The following TRPS1 variants were observed in gnomAD, a reference collection of about 807,000 sequenced individuals.
The protein encoded by TRPS1 is transcriptional repressor GATA binding 1, also known as zinc finger transcription factor Trps1.
Under a neutral mutation model 101.2 loss-of-function variants are expected in TRPS1, and 6 were observed. The observed-to-expected ratio is 0.06, with a 90% CI of 0.03 to 0.12. The LOEUF is 0.12. Ranked by LOEUF, TRPS1 falls within the 10% of genes least tolerant of loss-of-function variation. TRPS1 has a pLI of 1.00. For synonymous variants in TRPS1, 578 were observed against 589.8 expected (o/e 0.98, Z 0.29); for missense variants, 1,363 against 1,567.0 (o/e 0.87, Z 2.20).
chr8:115,509,606 A>C (rs1427000229), intron 5 of TRPS1: 2 of 152,066 alleles, frequency 1.3e-5, no homozygotes, highest in South Asian at 2.1e-4. Flanking sequence ...TTTACAGAAA[A>C]GAAAAGTAAC....
At chr8:115,460,260 T>C (rs1814134220) in intron 5 of TRPS1, among the ~76,000 whole-genome samples, 1 of 151,932 alleles carries the variant, frequency 6.6e-6, no homozygotes, top group Admixed American at 6.6e-5. Flanking sequence ...ACTGAAAAAG[T>C]TTTCTTTTTC....
chr8:115,475,665 C>T (rs1336370631), intron 5 of TRPS1, among the ~76,000 whole-genome samples: 1 of 151,968 alleles, frequency 6.6e-6, no homozygotes, highest in Non-Finnish European at 1.5e-5. Context: ...TTTAGCAGTG[C>T]TATCTCGTTT....
intron 5 of TRPS1, among the ~76,000 whole-genome samples, chr8:115,459,986 G>A (rs949149170): frequency 7.9e-5 from 12 of 152,034 alleles, no homozygotes; most frequent in East Asian, 3.9e-4. Context: ...AATATACTTC[G>A]ATAACACACT....
intron 1 of TRPS1, among the ~76,000 whole-genome samples, chr8:115,650,294 G>A (rs1811530114): frequency 6.6e-6 from 1 of 152,168 alleles, no homozygotes; most frequent in South Asian, 2.1e-4. Context: ...CATCAGAAAA[G>A]CATGTTGGTA....
intron 5 of TRPS1, among the ~76,000 whole-genome samples, chr8:115,487,303 C>T (rs1814906778): frequency 6.6e-6 from 1 of 152,102 alleles, no homozygotes; most frequent in Non-Finnish European, 1.5e-5. Flanking sequence ...ATTGACAATG[C>T]ACCTGGTTAC....
At chr8:115,554,335 G>C (rs892659086) in intron 5 of TRPS1, among the ~76,000 whole-genome samples, 2 of 152,048 alleles carry the variant, frequency 1.3e-5, no homozygotes, top group South Asian at 4.1e-4. Context: ...CAAAATGACA[G>C]GACAGTCAGA....
intron 5 of TRPS1, among the ~76,000 whole-genome samples, chr8:115,458,639 A>G (rs1445095485): frequency 6.6e-6 from 1 of 152,202 alleles, no homozygotes; most frequent in Non-Finnish European, 1.5e-5. Flanking sequence ...AACAAGTGTA[A>G]TGATTTGTTT....
chr8:115,662,037 C>A (rs1811809983), intron 1 of TRPS1, among the ~76,000 whole-genome samples: 1 of 151,938 alleles, frequency 6.6e-6, no homozygotes, highest in Non-Finnish European at 1.5e-5. Context: ...TTGCACTATG[C>A]TGATGTGAAC....
chr8:115,590,114 C>T (rs1294726277), intron 4 of TRPS1, among the ~76,000 whole-genome samples: 1 of 152,072 alleles, frequency 6.6e-6, no homozygotes, highest in Non-Finnish European at 1.5e-5. Context: ...GAGACGCCAT[C>T]TCAAACAAAA....
intron 5 of TRPS1, among the ~76,000 whole-genome samples, chr8:115,419,644 G>C (rs1813003539): frequency 6.6e-6 from 1 of 152,180 alleles, no homozygotes; most frequent in East Asian, 1.9e-4. Context: ...ATTGTACTCT[G>C]ATACATTTCA....
Position 115,419,373 on chromosome 8 carries a change from G to GAA in TRPS1, c.2701-923_2701-922dup, listed in dbSNP as rs562810789. On this transcript the variant is annotated intron_variant, in intron 5 of 6. Transcript: ENST00000395715. ...AGGCAGGAAATGGAATTCTCTTGCT[G>GAA]AAAAAAAAAAAGAAAAAAAAAGACA... is the stretch of plus-strand genomic sequence containing the variant. Among the ~76,000 whole-genome samples, 1,290 of 140,416 alleles carry GAA rather than the reference G, an allele frequency of 9.2e-3. 25 individuals carry two copies. The highest frequency in any genetic ancestry group is 0.032 in the African/African-American group (1,237 of 38,758). The allele number at this position is 140,416 out of a possible 152,430, so 92.1% of individuals were successfully genotyped here.
rs562119504 is a variant in TRPS1, at chr8:115,651,963, C to T, written c.-122+16582G>A. Among the ~76,000 whole-genome samples, 163 of 152,222 alleles carry T rather than the reference C, an allele frequency of 1.1e-3. 1 individual carries two copies. Among genetic ancestry groups the T allele is most frequent in the Non-Finnish European group, 1.6e-3 (110 of 68,022 alleles). On this transcript the variant is annotated intron_variant, in intron 1 of 6. Transcript: ENST00000395715. ...AAACAAGTTTAAAAGCAAGTACTTACGGAGGCTGAAGGCCACTGATATGGG... is the reference window on the plus strand; with the variant it reads ...AAACAAGTTTAAAAGCAAGTACTTATGGAGGCTGAAGGCCACTGATATGGG...
At chr8:115,520,357 T>A (rs188579613) in intron 5 of TRPS1, among the ~76,000 whole-genome samples, 1 of 151,876 alleles carries the variant, frequency 6.6e-6, no homozygotes, top group East Asian at 1.9e-4. Context: ...TCCAGGCTCA[T>A]CTCACCTCAT....
Position 115,414,539 on chromosome 8 carries a change from C to G in TRPS1, c.3369G>C (p.Trp1123Cys). 1.2e-6 allele frequency: 2 copies of G among 1,613,874 alleles called. No individual in the cohort carries two copies. Among genetic ancestry groups the G allele is most frequent in the Non-Finnish European group, 1.7e-6 (2 of 1,179,932 alleles). The change falls in exon 7 of 7, where the codon TGG (tryptophan) becomes TGC (cysteine). Residue 1123 changes from tryptophan (W) to cysteine (C), a missense_variant. By Grantham distance (215) the Trp-to-Cys change is radical. This residue lies in a region of TRPS1 where 307 missense variants were observed against 392.4 expected (regional missense o/e 0.78). Coordinates refer to ENST00000395715, the MANE Select transcript of TRPS1 (RefSeq NM_014112.5). This position sits in a 1 kb window ranked among gnomAD's most constrained non-coding sequence, Gnocchi z 4.8. ...VHNDFQSEAD[W>C]LRFWSKYKLS... ...GCTTATATTTACTCCAGAACCGCAG[C>G]CAATCAGCTTCACTCTGGAAGTCAT...
At chr8:115,574,029 G>A (rs567666526) in intron 5 of TRPS1, among the ~76,000 whole-genome samples, 1 of 152,232 alleles carries the variant, frequency 6.6e-6, no homozygotes, top group East Asian at 1.9e-4. Flanking sequence ...TTTTATGGAA[G>A]TCTGATTGTA....
intron 5 of TRPS1, among the ~76,000 whole-genome samples, chr8:115,452,278 G>A (rs1176870618): frequency 6.6e-6 from 1 of 152,132 alleles, no homozygotes; most frequent in African/African-American, 2.4e-5. Flanking sequence ...TTATGACAAT[G>A]TTTATAACTT....
rs1203483417 is a variant in TRPS1 at position 115,414,923 on chromosome 8, C to T, written c.2985G>A (p.Arg995=). 3 of 1,605,834 alleles carry T rather than the reference C, an allele frequency of 1.9e-6. No homozygotes were observed. Among genetic ancestry groups the T allele is most frequent in the Non-Finnish European group, 2.6e-6 (3 of 1,175,834 alleles). ...TTTCAGTTAGATGATCTTCTGACCT[C>T]CTCTCTAACGGGCTTCCATTGACTT... ...EEQVNGSPLE[R]RSEDHLTESH... is the part of the protein sequence containing the mutation. The change falls in exon 7 of 7, where the codon AGG becomes AGA. Residue 995 remains arginine (R), a synonymous_variant. Transcript: ENST00000395715. This position sits in a 1 kb window ranked among gnomAD's most constrained non-coding sequence, Gnocchi z 4.8.
intron 5 of TRPS1, among the ~76,000 whole-genome samples, chr8:115,458,414 T>G (rs1049931610): frequency 1.3e-5 from 2 of 152,168 alleles, no homozygotes; most frequent in Admixed American, 6.5e-5. Context: ...CAATTTGAAG[T>G]GACCAATTAA....
At chr8:115,642,677 G>A (rs1818928465) in intron 1 of TRPS1, among the ~76,000 whole-genome samples, 2 of 151,726 alleles carry the variant, frequency 1.3e-5, no homozygotes, top group South Asian at 4.1e-4. Context: ...AAGGTGCATG[G>A]TAATTTCTCC....
Sources: gnomAD v4.1 joint callset for allele counts (sites outside exome capture counted in the v4.1 genomes callset) on GRCh38, gnomAD v4.1.1 for gene constraint, gnomAD v4.1.1 regional missense constraint, Gnocchi (gnomAD v3.1) non-coding constraint, MANE v1.5 for transcripts, NCBI Gene and HGNC (gene_info 2026-07-23, HGNC 2026-07-21) for gene names.